The following CTNNA3 variants were observed in gnomAD, a reference collection of about 807,000 sequenced individuals.
CTNNA3 encodes catenin alpha-3.
Under a neutral mutation model 95.7 loss-of-function variants are expected in CTNNA3, and 76 were observed. That is an observed-to-expected ratio of 0.79 (90% CI 0.66 to 0.96). The LOEUF (loss-of-function observed/expected upper bound fraction) is 0.96, where lower values mean the gene tolerates loss of function less well. CTNNA3 is among the 40% of genes least tolerant of loss of function. The pLI, the probability that CTNNA3 is intolerant of heterozygous loss-of-function variation, is 0.00. For synonymous variants in CTNNA3, 431 were observed against 374.4 expected (o/e 1.15, Z -1.74); for missense variants, 1,191 against 1,089.8 (o/e 1.09, Z -1.31).
At chr10:65,944,104 A>G (rs1357015941) in intron 17 of CTNNA3, among the ~76,000 whole-genome samples, 1 of 152,244 alleles carries the variant, frequency 6.6e-6, no homozygotes, top group Non-Finnish European at 1.5e-5. Context: ...AAGCCTTTAA[A>G]GTCTGAAAGG....
intron 13 of CTNNA3, among the ~76,000 whole-genome samples, chr10:66,232,478 T>C (rs2089634991): frequency 6.6e-6 from 1 of 152,034 alleles, no homozygotes; most frequent in African/African-American, 2.4e-5. Context: ...GATTCAATAT[T>C]TTAAAGATTT....
chr10:66,611,812 T>C (rs898104050), intron 10 of CTNNA3, among the ~76,000 whole-genome samples: 15 of 152,104 alleles, frequency 9.9e-5, no homozygotes, highest in Admixed American at 3.3e-4. Flanking sequence ...TTCCTCTTCC[T>C]TTTCTCTCCC....
intron 17 of CTNNA3, among the ~76,000 whole-genome samples, chr10:65,951,345 G>T (rs2077608941): frequency 1.3e-5 from 2 of 152,148 alleles, no homozygotes; most frequent in African/African-American, 4.8e-5. Flanking sequence ...AAACTTGATA[G>T]ATGAAGAAAT....
rs189928332 is a variant in CTNNA3, at chr10:66,991,638, G to A, written c.1047+188679C>T. On this transcript the variant is annotated intron_variant, in intron 7 of 17. Coordinates refer to ENST00000433211, the MANE Select transcript of CTNNA3 (RefSeq NM_013266.4). ...GTGATCTTGGCTCACTGCAACCTTC[G>A]CCTCCTGGGTTCAAGTGATTCTCCC... Among the ~76,000 whole-genome samples, 712 of 152,104 alleles carry A rather than the reference G, an allele frequency of 4.7e-3. 9 individuals carry two copies. Among genetic ancestry groups the A allele is most frequent in the African/African-American group, 0.016 (674 of 41,486 alleles).
At chr10:66,461,798 T>C (rs2093531263) in intron 11 of CTNNA3, among the ~76,000 whole-genome samples, 1 of 147,346 alleles carries the variant, frequency 6.8e-6, no homozygotes, top group South Asian at 2.2e-4. Context: ...TGAAGTAATA[T>C]CCTTGTATAT....
intron 7 of CTNNA3, among the ~76,000 whole-genome samples, chr10:66,790,598 T>C (rs1335334961): frequency 1.3e-5 from 2 of 152,204 alleles, no homozygotes; most frequent in East Asian, 3.8e-4. Context: ...TGCCAAGGCC[T>C]GGACTAAGTA....
chr10:66,730,110 A>AT (rs1848912170), intron 9 of CTNNA3, among the ~76,000 whole-genome samples: 1 of 151,728 alleles, frequency 6.6e-6, no homozygotes, highest in Non-Finnish European at 1.5e-5. Flanking sequence ...TGTCTGAAAA[A>AT]AAAAAAAAAA....
intron 5 of CTNNA3, among the ~76,000 whole-genome samples, chr10:67,481,693 G>C (rs1255509658): frequency 1.3e-5 from 2 of 152,160 alleles, no homozygotes; most frequent in Non-Finnish European, 2.9e-5. Context: ...CTCCCATTTT[G>C]TAGGTTGCCT....
chr10:67,310,119 T>G (rs950058821), intron 5 of CTNNA3, among the ~76,000 whole-genome samples: 2 of 152,140 alleles, frequency 1.3e-5, no homozygotes, highest in African/African-American at 4.8e-5. Context: ...TAGGTGGAGA[T>G]AAGGGAAGGC....
chr10:66,077,798 A>G (rs2080601035), intron 14 of CTNNA3, among the ~76,000 whole-genome samples: 1 of 151,786 alleles, frequency 6.6e-6, no homozygotes, highest in Non-Finnish European at 1.5e-5. Context: ...ACGGCCATAT[A>G]GTTATTGCAA....
chr10:66,488,722 T>C (rs1839820276), intron 11 of CTNNA3, among the ~76,000 whole-genome samples: 1 of 152,098 alleles, frequency 6.6e-6, no homozygotes, highest in African/African-American at 2.4e-5. Flanking sequence ...TCTAATAGAT[T>C]ATATATGAGT....
At chr10:67,265,416 T>A (rs1024413215) in intron 5 of CTNNA3, among the ~76,000 whole-genome samples, 1 of 152,186 alleles carries the variant, frequency 6.6e-6, no homozygotes, top group Non-Finnish European at 1.5e-5. Flanking sequence ...ATTTTCAGCA[T>A]ATTTGCAAGG....
intron 9 of CTNNA3, among the ~76,000 whole-genome samples, chr10:66,722,816 G>T (rs894021398): frequency 6.6e-6 from 1 of 152,036 alleles, no homozygotes. Flanking sequence ...TCTGTCCTGG[G>T]GTTGTGGCGG....
intron 7 of CTNNA3, among the ~76,000 whole-genome samples, chr10:67,159,897 C>T (rs1861460400): frequency 1.3e-5 from 2 of 152,072 alleles, no homozygotes; most frequent in Admixed American, 6.5e-5. Flanking sequence ...AAATTTTCTA[C>T]ACATCAAAGG....
At chr10:66,418,627 C>A (rs961200058) in intron 11 of CTNNA3, among the ~76,000 whole-genome samples, 25 of 149,814 alleles carry the variant, frequency 1.7e-4, no homozygotes, top group Admixed American at 5.3e-4. Flanking sequence ...CACAAAAAAC[C>A]CCAACAAAGT....
chr10:66,785,805 G>C lies in CTNNA3; in HGVS notation c.1048-10281C>G, dbSNP rs78283106. ...CGTTCTGTTTATCTGTAGAATCCTGGCTAATATTTTATCTGTGCCAGATTT... is the reference window on the plus strand; with the variant it reads ...CGTTCTGTTTATCTGTAGAATCCTGCCTAATATTTTATCTGTGCCAGATTT... On this transcript the variant is annotated intron_variant, in intron 7 of 17. Coordinates refer to ENST00000433211, the MANE Select transcript of CTNNA3 (RefSeq NM_013266.4). Among the ~76,000 whole-genome samples, 178 of 152,066 alleles carry C rather than the reference G, an allele frequency of 1.2e-3. 1 individual carries two copies. Among genetic ancestry groups the C allele is most frequent in the Middle Eastern group, 0.01 (3 of 294 alleles).
intron 11 of CTNNA3, among the ~76,000 whole-genome samples, chr10:66,484,803 C>T (rs2456673): frequency 0.21 from 32,230 of 151,802 alleles, 6,531 homozygotes; most frequent in East Asian, 0.84. Flanking sequence ...GCCAATATTC[C>T]TGATAAATAT....
chr10:66,642,261 CACACACACACACACACAA>C (rs946311534), intron 9 of CTNNA3, among the ~76,000 whole-genome samples: 8 of 68,700 alleles, frequency 1.2e-4, no homozygotes, highest in African/African-American at 2.7e-4. Flanking sequence ...AAAATACACA[CACACACACACACACACAA>C]ACACACACAC....
intron 12 of CTNNA3, among the ~76,000 whole-genome samples, chr10:66,311,713 A>G (rs2092023489): frequency 6.6e-6 from 1 of 152,194 alleles, no homozygotes; most frequent in African/African-American, 2.4e-5. Flanking sequence ...AAGATACCAC[A>G]ACTAAAAATT....
Sources: gnomAD v4.1 joint callset for allele counts (sites outside exome capture counted in the v4.1 genomes callset) on GRCh38, gnomAD v4.1.1 for gene constraint, MANE v1.5 for transcripts, NCBI Gene and HGNC (gene_info 2026-07-23, HGNC 2026-07-21) for gene names.